Variants in RUFY1 observed in about 807,000 individuals in gnomAD.
RUFY1 encodes the protein RUN and FYVE domain-containing protein 1.
In RUFY1, 54 loss-of-function variants were observed where a neutral mutation model predicts 94.6. The ratio of observed to expected loss-of-function variants is 0.57; its 90% confidence interval spans 0.46 to 0.72. The LOEUF is 0.72. Ranked by LOEUF, RUFY1 falls within the 30% of genes least tolerant of loss-of-function variation. The pLI, the probability that RUFY1 is intolerant of heterozygous loss-of-function variation, is 0.00. For missense variants in RUFY1, 883 were observed against 883.9 expected, an observed-to-expected ratio of 1.00 and a Z score of 0.01; for synonymous variants, 396 against 347.3, an observed-to-expected ratio of 1.14 and a Z score of -1.56.
chr5:179,558,822 A>T (rs1334212459), intron 1 of RUFY1, among the ~76,000 whole-genome samples: 1 of 152,210 alleles, frequency 6.6e-6, no homozygotes, highest in Admixed American at 6.5e-5. Context: ...TTAACTATAT[A>T]AAAATATAGT....
chr5:179,593,338 A>T, intron 10 of RUFY1, 140 bp from the exon 11 acceptor site: 1 of 963,602 alleles, frequency 1.0e-6, no homozygotes, highest in Non-Finnish European at 1.6e-6. Context: ...TCAGCCTCCC[A>T]AAGTGCTGAG....
At chr5:179,584,874 G>A (rs546804441) in intron 7 of RUFY1, among the ~76,000 whole-genome samples, 4 of 152,294 alleles carry the variant, frequency 2.6e-5, no homozygotes, top group South Asian at 4.1e-4. Flanking sequence ...AGTGGCTCAC[G>A]CCTGTGATCC....
chr5:179,607,807 G>C, intron 17 of RUFY1, 148 bp downstream of exon 17: 1 of 695,190 alleles, frequency 1.4e-6, no homozygotes, highest in East Asian at 2.7e-5. Flanking sequence ...CGCCTCTCCT[G>C]TTTGCCTGTG....
At chr5:179,576,075 C>T (rs191649410) in intron 5 of RUFY1, among the ~76,000 whole-genome samples, 150 of 152,252 alleles carry the variant, frequency 9.9e-4, no homozygotes, top group Admixed American at 4.0e-3. Context: ...GCCACCGTGC[C>T]CAGCTTTTCT....
chr5:179,602,013 C>T, intron 15 of RUFY1, 27 bp downstream of exon 15: 1 of 1,541,286 alleles, frequency 6.5e-7, no homozygotes, highest in Non-Finnish European at 9.0e-7. Flanking sequence ...CCTTGTCTGC[C>T]ACTGCAGGCA....
rs937364629 is a variant in RUFY1, at chr5:179,589,647, G to A, written c.1128G>A (p.Glu376=). The stretch of plus-strand genomic sequence containing the variant: ...GAGAAAGAAGTGAAAAGAGTGTAGA[G>A]GTGAGAAATTGACCTACATTTGGGC... ...LIRERSEKSV[E]ITKQDTKVEL... Residue 376 remains glutamate (E), a splice_region_variant and synonymous_variant, in exon 9 of 18, where the codon GAG becomes GAA. Coordinates refer to ENST00000319449, the MANE Select transcript of RUFY1 (RefSeq NM_025158.5). The A allele has an allele frequency of 6.2e-7, 1 of 1,604,788 alleles. No homozygotes were observed. Among genetic ancestry groups the A allele is most frequent in the Admixed American group, 1.7e-5 (1 of 59,932 alleles).
chr5:179,605,945 A>C (rs1562119415), intron 16 of RUFY1, 21 bp downstream of exon 16: 5 of 1,554,908 alleles, frequency 3.2e-6, no homozygotes, highest in Non-Finnish European at 4.4e-6. Context: ...GCTAAGAACC[A>C]CTTCTTTGCT....
intron 15 of RUFY1, among the ~76,000 whole-genome samples, chr5:179,603,989 G>A (rs1044813424): frequency 6.6e-6 from 1 of 152,076 alleles, no homozygotes; most frequent in African/African-American, 2.4e-5. Context: ...CCTGGGAGGC[G>A]GAGGTTGCGG....
rs746198642 is a variant in RUFY1, at chr5:179,594,918, GA to G, written c.1471del (p.Thr491ProfsTer8). On this transcript the variant is annotated frameshift_variant, in exon 12 of 18. Transcript: ENST00000319449. LOFTEE classifies it high-confidence loss of function. ...AATGAAGCCATCACATCCTTTGAAGGAAAAACCAACCAAGTTATGTCCAGCA... is the reference window on the plus strand; with the variant it reads ...AATGAAGCCATCACATCCTTTGAAGGAAAACCAACCAAGTTATGTCCAGCA... The part of the protein sequence containing the change: ...QKNEAITSFE[G>X]KTNQVMSSMK... 1 of 1,613,588 alleles carries G rather than the reference GA, an allele frequency of 6.2e-7. No individual in the cohort carries two copies. The highest frequency in any genetic ancestry group is 2.2e-5 in the East Asian group (1 of 44,824).
At chr5:179,554,775 C>T (rs1762026305) in intron 1 of RUFY1, among the ~76,000 whole-genome samples, 1 of 151,802 alleles carries the variant, frequency 6.6e-6, no homozygotes, top group South Asian at 2.1e-4. Flanking sequence ...TGAGACCAGC[C>T]TGGCCAACAT....
intron 4 of RUFY1, among the ~76,000 whole-genome samples, chr5:179,568,236 ACT>A (rs894979393): frequency 2.0e-5 from 3 of 152,198 alleles, no homozygotes; most frequent in South Asian, 2.1e-4. Context: ...ACAGAGCAAG[ACT>A]CTGTCTCAAA....
Position 179,609,408 on chromosome 5 carries a change from C to T in RUFY1, c.2016C>T (p.Cys672=). ...HHCRNCGHIF[C]NTCSSNELAL... ...GCCGGAACTGTGGCCACATCTTCTGCAACACCTGCTCCAGCAACGAGCTGG... is the reference window on the plus strand; with the variant it reads ...GCCGGAACTGTGGCCACATCTTCTGTAACACCTGCTCCAGCAACGAGCTGG... Residue 672 remains cysteine, a synonymous_variant, in exon 18 of 18, where the codon TGC becomes TGT. Coordinates refer to ENST00000319449, the MANE Select transcript of RUFY1 (RefSeq NM_025158.5). 1 of 1,613,526 alleles carries T rather than the reference C, an allele frequency of 6.2e-7. No individual in the cohort carries two copies. Among genetic ancestry groups the T allele is most frequent in the Admixed American group, 1.7e-5 (1 of 59,990 alleles).
intron 1 of RUFY1, chr5:179,559,546 G>A (rs916181158): frequency 2.2e-6 from 1 of 445,798 alleles, no homozygotes; most frequent in Non-Finnish European, 3.0e-6. Context: ...CGGGACAGAG[G>A]GTGCAAAATG....
At chr5:179,587,234 T>TAGA (rs751692753) in intron 8 of RUFY1, among the ~76,000 whole-genome samples, 1 of 152,028 alleles carries the variant, frequency 6.6e-6, no homozygotes, top group Non-Finnish European at 1.5e-5. Context: ...TTTAACTCTT[T>TAGA]GTAGAGACGG....
chr5:179,598,953 A>G (rs1309698066), intron 14 of RUFY1, 132 bp downstream of exon 14: 3 of 925,808 alleles, frequency 3.2e-6, no homozygotes, highest in African/African-American at 3.3e-5. Context: ...GGAGGCTGTT[A>G]GGGAGCTCCT....
At chr5:179,573,390 A>G (rs1222492456) in intron 5 of RUFY1, among the ~76,000 whole-genome samples, 1 of 152,220 alleles carries the variant, frequency 6.6e-6, no homozygotes, top group Admixed American at 6.5e-5. Flanking sequence ...ACACTATAGT[A>G]TACATAATCA....
At chr5:179,560,558 A>AAC (rs1762372474) in intron 2 of RUFY1, among the ~76,000 whole-genome samples, 2 of 150,860 alleles carry the variant, frequency 1.3e-5, no homozygotes, top group Non-Finnish European at 3.0e-5. Context: ...TCTCTACTAA[A>AAC]AAAAAAAAAT....
intron 14 of RUFY1, chr5:179,599,961 G>T (rs1766171885): frequency 6.6e-6 from 1 of 152,304 alleles, no homozygotes; most frequent in African/African-American, 2.4e-5. Context: ...GCCTGGAGTT[G>T]TTGGGGAAGG....
chr5:179,582,362 A>G (rs944976747), intron 7 of RUFY1, among the ~76,000 whole-genome samples: 1 of 152,070 alleles, frequency 6.6e-6, no homozygotes, highest in Non-Finnish European at 1.5e-5. Flanking sequence ...AGTAGCAGGA[A>G]CTACAGGCAT....
Sources: allele counts gnomAD v4.1 joint callset (sites outside exome capture counted in the v4.1 genomes callset), GRCh38; gene constraint gnomAD v4.1.1; transcripts MANE v1.5; gene names NCBI Gene and HGNC (gene_info 2026-07-23, HGNC 2026-07-21).